XKR4: variants seen among roughly 807,000 people sequenced by gnomAD.
XKR4 encodes XK related 4.
A neutral mutation model predicts 53.9 loss-of-function variants in XKR4; 12 were observed. That is an observed-to-expected ratio of 0.22 (90% confidence interval 0.14 to 0.36). The LOEUF is 0.36. Ranked by LOEUF, XKR4 falls within the 10% of genes least tolerant of loss-of-function variation. The pLI, the probability that XKR4 is intolerant of heterozygous loss-of-function variation, is 1.00. For missense variants in XKR4, 799 were observed against 859.5 expected (o/e 0.93, Z 0.88); for synonymous variants, 354 against 362.4 (o/e 0.98, Z 0.26).
chr8:55,242,608 A>G (rs1467996161), intron 1 of XKR4, among the ~76,000 whole-genome samples: 1 of 152,244 alleles, frequency 6.6e-6, no homozygotes, highest in Non-Finnish European at 1.5e-5. Context: ...AGATGCCATT[A>G]TCACTTTCAA....
chr8:55,380,337 C>G (rs1180899268), intron 2 of XKR4, among the ~76,000 whole-genome samples: 1 of 152,202 alleles, frequency 6.6e-6, no homozygotes, highest in African/African-American at 2.4e-5. Context: ...GCCATGTTTC[C>G]TATCATAACC....
intron 2 of XKR4, among the ~76,000 whole-genome samples, chr8:55,505,067 A>G (rs1198421879): frequency 6.6e-6 from 1 of 151,558 alleles, no homozygotes; most frequent in Admixed American, 6.6e-5. Flanking sequence ...TCTAATTATT[A>G]TTATTTCCTT....
intron 1 of XKR4, among the ~76,000 whole-genome samples, chr8:55,183,497 G>C (rs1483787472): frequency 1.3e-5 from 2 of 151,588 alleles, no homozygotes; most frequent in Non-Finnish European, 2.9e-5. Context: ...TTGATCCATG[G>C]GTTATTTACA....
chr8:55,436,900 A>AG (rs900946521), intron 2 of XKR4, among the ~76,000 whole-genome samples: 2 of 152,084 alleles, frequency 1.3e-5, no homozygotes, highest in African/African-American at 4.8e-5. Context: ...CTACATTCTG[A>AG]GGGGGGTCTC....
intron 2 of XKR4, among the ~76,000 whole-genome samples, chr8:55,482,583 A>C (rs886877495): frequency 7.0e-6 from 1 of 142,426 alleles, no homozygotes; most frequent in African/African-American, 2.8e-5. Context: ...AAATAAACAC[A>C]ACTGCAAACC....
chr8:55,104,722 T>C (rs1447447921), intron 1 of XKR4, among the ~76,000 whole-genome samples: 1 of 127,422 alleles, frequency 7.8e-6, no homozygotes, highest in East Asian at 2.4e-4. Context: ...ATATTTGATA[T>C]GTAGTCAGAC....
intron 2 of XKR4, among the ~76,000 whole-genome samples, chr8:55,485,394 C>A (rs1806176834): frequency 6.6e-6 from 1 of 152,094 alleles, no homozygotes. Context: ...AAAACTAGAA[C>A]TAAAAAGTTC....
Position 55,401,631 on chromosome 8 carries a change from A to G in XKR4, c.1006+43754A>G, listed in dbSNP as rs558624993. Among the ~76,000 whole-genome samples, 6 of 152,302 alleles carry G rather than the reference A, an allele frequency of 3.9e-5. No individual in the cohort carries two copies. In the East Asian group the frequency reaches 1.2e-3, roughly 29 times the overall value. The stretch of plus-strand genomic sequence containing the variant: ...CTCAGCAAAGGCAGGCTGCTTGCCA[A>G]CACCCTCAGAGCTAAGGGGAGAAGT... On this transcript the variant is annotated intron_variant, in intron 2 of 2. Transcript: ENST00000327381.
chr8:55,491,403 A>G (rs1303833083), intron 2 of XKR4, among the ~76,000 whole-genome samples: 2 of 152,046 alleles, frequency 1.3e-5, no homozygotes, highest in African/African-American at 4.8e-5. Context: ...TGGAATTTGA[A>G]TTTTGTTGTC....
intron 1 of XKR4, among the ~76,000 whole-genome samples, chr8:55,239,998 A>G (rs1818186936): frequency 6.6e-6 from 1 of 152,168 alleles, no homozygotes; most frequent in South Asian, 2.1e-4. Flanking sequence ...GAGTGTGTAT[A>G]TCTACCTATA....
At chr8:55,437,379 G>A (rs919629379) in intron 2 of XKR4, among the ~76,000 whole-genome samples, 4 of 152,066 alleles carry the variant, frequency 2.6e-5, no homozygotes, top group African/African-American at 9.7e-5. Flanking sequence ...ATCAGATTTA[G>A]AAGTTTACAT....
intron 1 of XKR4, among the ~76,000 whole-genome samples, chr8:55,231,675 A>G (rs909635916): frequency 3.3e-5 from 5 of 152,174 alleles, no homozygotes; most frequent in Non-Finnish European, 5.9e-5. Context: ...TAATCTTGGC[A>G]GATGGATGCA....
intron 2 of XKR4, among the ~76,000 whole-genome samples, chr8:55,361,860 CTT>C (rs1190606455): frequency 6.6e-6 from 1 of 152,158 alleles, no homozygotes; most frequent in Non-Finnish European, 1.5e-5. Context: ...TCCCCTCACT[CTT>C]AGCCTGTCTA....
chr8:55,245,673 C>A (rs1818275403), intron 1 of XKR4, among the ~76,000 whole-genome samples: 1 of 152,124 alleles, frequency 6.6e-6, no homozygotes, highest in African/African-American at 2.4e-5. Flanking sequence ...AAGAGTCTCC[C>A]CATGTCAGTG....
At chr8:55,384,726 G>C (rs1288619172) in intron 2 of XKR4, among the ~76,000 whole-genome samples, 2 of 152,222 alleles carry the variant, frequency 1.3e-5, no homozygotes, top group African/African-American at 4.8e-5. Flanking sequence ...GTAAATGTAA[G>C]CTGTCAAGAA....
chr8:55,300,477 G>A (rs1012034855), intron 1 of XKR4, among the ~76,000 whole-genome samples: 15 of 152,126 alleles, frequency 9.9e-5, no homozygotes, highest in Non-Finnish European at 1.5e-4. Flanking sequence ...GGGAGTCCTC[G>A]AGGGCAAGGA....
At chr8:55,258,843 G>T (rs778044461) in intron 1 of XKR4, among the ~76,000 whole-genome samples, 2 of 152,142 alleles carry the variant, frequency 1.3e-5, no homozygotes, top group Non-Finnish European at 2.9e-5. Flanking sequence ...AGGACCTGTG[G>T]CCCCAGAAAG....
At chr8:55,375,205 A>G (rs1804129822) in intron 2 of XKR4, among the ~76,000 whole-genome samples, 1 of 152,190 alleles carries the variant, frequency 6.6e-6, no homozygotes, top group East Asian at 1.9e-4. Context: ...AATTTTAAAG[A>G]TCTAAATTGC....
intron 2 of XKR4, among the ~76,000 whole-genome samples, chr8:55,510,480 G>A (rs1806609984): frequency 1.3e-5 from 2 of 152,110 alleles, no homozygotes; most frequent in Non-Finnish European, 2.9e-5. Context: ...AAAACCCCAC[G>A]GGAGGGAGAG....
Sources: allele counts gnomAD v4.1 joint callset (sites outside exome capture counted in the v4.1 genomes callset), GRCh38; gene constraint gnomAD v4.1.1; transcripts MANE v1.5; gene names NCBI Gene and HGNC (gene_info 2026-07-23, HGNC 2026-07-21).